Variants in WAC observed in about 807,000 individuals in gnomAD.
The protein encoded by WAC is WW domain containing adaptor with coiled-coil.
WAC carries 11 observed loss-of-function variants against 79.6 expected under a neutral mutation model. The ratio of observed to expected loss-of-function variants is 0.14; its 90% CI spans 0.09 to 0.23. The LOEUF (loss-of-function observed/expected upper bound fraction) is 0.23, where lower values mean the gene tolerates loss of function less well. Ranked by LOEUF, WAC falls within the 10% of genes least tolerant of loss-of-function variation. The pLI, the probability that WAC is intolerant of heterozygous loss-of-function variation, is 1.00. For missense variants in WAC, 728 were observed against 773.5 expected (o/e 0.94, Z 0.70); for synonymous variants, 304 against 276.9 (o/e 1.10, Z -0.97).
At position 28,608,254 on chromosome 10, in the gene WAC, C is replaced by G; in HGVS notation, c.988C>G (p.Leu330Val). 1 of 1,614,216 alleles carries G rather than the reference C, an allele frequency of 6.2e-7. No individual in the cohort carries two copies. The highest frequency in any genetic ancestry group is 1.3e-5 in the African/African-American group (1 of 75,046). The change falls in exon 8 of 14, where the codon CTG becomes GTG. Residue 330 changes from leucine to valine, a missense_variant. By Grantham distance (32) the Leu-to-Val change is conservative. Coordinates refer to ENST00000354911, the MANE Select transcript of WAC (RefSeq NM_016628.5). Reference sequence around the variant, plus strand: ...TCCTTCCACGTCTTCTGCCTCTGGACTGAACCCCACATCTGCACCTCCAAC... The same window carrying G: ...TCCTTCCACGTCTTCTGCCTCTGGAGTGAACCCCACATCTGCACCTCCAAC... ...TTPSTSSASG[L>V]NPTSAPPTSA...
intron 1 of WAC, 166 bp downstream of exon 1, chr10:28,533,786 TGTGGCGGGGAGC>T: frequency 1.0e-6 from 1 of 975,202 alleles, no homozygotes. Context: ...GGGAACGCAG[TGTGGCGGGGAGC>T]GGGGGCCCGG....
At chr10:28,584,241 ATAAC>A (rs748229354) in intron 4 of WAC, among the ~76,000 whole-genome samples, 11 of 152,192 alleles carry the variant, frequency 7.2e-5, no homozygotes, top group Non-Finnish European at 1.6e-4. Context: ...ATAGTAAAGT[ATAAC>A]TAATGCTTCC....
chr10:28,610,322 T>C (rs1353580097), intron 8 of WAC, among the ~76,000 whole-genome samples: 1 of 152,104 alleles, frequency 6.6e-6, no homozygotes, highest in Non-Finnish European at 1.5e-5. Context: ...TCACATGAAA[T>C]AGCAGTTGTT....
intron 12 of WAC, among the ~76,000 whole-genome samples, chr10:28,616,607 A>G (rs1190579025): frequency 1.3e-5 from 2 of 152,338 alleles, no homozygotes; most frequent in East Asian, 1.9e-4. Context: ...TTAATGCCTT[A>G]TATTTATTTT....
Position 28,621,229 on chromosome 10 carries a change from T to C in WAC, c.*1623T>C, listed in dbSNP as rs1338947357. The C allele has an allele frequency of 4.0e-5, 6 of 149,582 alleles. No individual in the cohort carries two copies. The highest frequency in any genetic ancestry group is 7.4e-5 in the Non-Finnish European group (5 of 67,424). 9.3% of individuals were successfully genotyped at this position (149,582 alleles called of 1,614,324 possible). On this transcript the variant is annotated 3_prime_UTR_variant, in exon 14 of 14. Coordinates refer to ENST00000354911, the MANE Select transcript of WAC (RefSeq NM_016628.5). ...GTTTTTTGGTGATTTTTTTTTTTTTTTTTTTTCTGTTGGGGCAGATAAGTG... is the reference window on the plus strand; with the variant it reads ...GTTTTTTGGTGATTTTTTTTTTTTTCTTTTTTCTGTTGGGGCAGATAAGTG...
chr10:28,575,677 T>G (rs980635851), intron 3 of WAC, among the ~76,000 whole-genome samples: 1 of 152,228 alleles, frequency 6.6e-6, no homozygotes, highest in Non-Finnish European at 1.5e-5. Flanking sequence ...TTAATCAGAT[T>G]ATTTTTATTG....
At chr10:28,574,028 T>C (rs1839114641) in intron 3 of WAC, among the ~76,000 whole-genome samples, 1 of 152,246 alleles carries the variant, frequency 6.6e-6, no homozygotes, top group Admixed American at 6.5e-5. Context: ...TTGTAGCATG[T>C]ATTAGTACTC....
chr10:28,599,564 G>A (rs1482782401), intron 7 of WAC, among the ~76,000 whole-genome samples: 1 of 152,194 alleles, frequency 6.6e-6, no homozygotes, highest in East Asian at 1.9e-4. Context: ...GGGAGCACTT[G>A]CACTGGTCAT....
At chr10:28,540,637 A>G (rs1428401403) in intron 3 of WAC, among the ~76,000 whole-genome samples, 1 of 152,250 alleles carries the variant, frequency 6.6e-6, no homozygotes, top group African/African-American at 2.4e-5. Context: ...TGCATAGAAT[A>G]TAATACACTA....
chr10:28,617,099 A>AC (rs1841505033), intron 12 of WAC, among the ~76,000 whole-genome samples: 1 of 151,984 alleles, frequency 6.6e-6, no homozygotes, highest in Non-Finnish European at 1.5e-5. Context: ...ACAAAAAAAA[A>AC]CCCCACTTAA....
chr10:28,590,952 C>CTT lies in WAC; in HGVS notation c.610+123_610+124dup. On this transcript the variant is annotated intron_variant, in intron 6 of 13. Transcript: ENST00000354911. ...AAATAAATAGAAACATACGGAGATT[C>CTT]TTTTATGTTGGATTTATTATACCCT... is the stretch of plus-strand genomic sequence containing the variant. The CTT allele has an allele frequency of 3.5e-6, 3 of 858,102 alleles. No homozygotes were observed. In the South Asian group the frequency reaches 4.8e-5, roughly 14 times the overall value. 53.2% of individuals were successfully genotyped at this position (858,102 alleles called of 1,614,324 possible).
chr10:28,607,647 TAA>T (rs763325890), intron 7 of WAC, among the ~76,000 whole-genome samples: 17 of 152,222 alleles, frequency 1.1e-4, no homozygotes, highest in South Asian at 2.1e-4. Context: ...TTATTAAGTA[TAA>T]AAGTCTCTTC....
rs1484496236 is a variant in WAC, at chr10:28,590,684, T to G, written c.498-36T>G. 2.6e-6 allele frequency: 4 copies of G among 1,521,012 alleles called. No individual in the cohort carries two copies. In the Admixed American group the frequency reaches 8.3e-5, roughly 31 times the overall value. 94.2% of individuals were successfully genotyped at this position (1,521,012 alleles called of 1,614,324 possible). A position where few individuals can be genotyped will look rare whatever the true frequency, so the allele number is the denominator to read the frequency against. ...AGTATGGAAACTCATGCCCTTAATG[T>G]AATTTTTATATGTTTATCTTTTTTT... On this transcript the variant is annotated intron_variant, in intron 5 of 13. Coordinates refer to ENST00000354911, the MANE Select transcript of WAC (RefSeq NM_016628.5).
chr10:28,559,082 A>G, intron 3 of WAC, among the ~76,000 whole-genome samples: 1 of 151,854 alleles, frequency 6.6e-6, no homozygotes, highest in East Asian at 1.9e-4. Context: ...TGTGTCAAGT[A>G]CTGTGGGTAT....
intron 9 of WAC, chr10:28,611,112 C>T (rs986115302): frequency 8.4e-6 from 5 of 596,808 alleles, no homozygotes; most frequent in Non-Finnish European, 1.0e-5. Context: ...TTTTTTTATG[C>T]CAAAGCTGAA....
Position 28,534,053 on chromosome 10 carries a change from G to GT in WAC, c.78+20dup, listed in dbSNP as rs766199838. On this transcript the variant is annotated intron_variant, in intron 2 of 13. Transcript: ENST00000354911. The stretch of plus-strand genomic sequence containing the variant: ...TTACCAGGTACCAGCCGAGGCCGGG[G>GT]TGGAGGGATTGGAAGGGGCCGGAGG... The GT allele has an allele frequency of 1.3e-6, 2 of 1,573,994 alleles. No homozygotes were observed. Among genetic ancestry groups the GT allele is most frequent in the Non-Finnish European group, 1.7e-6 (2 of 1,162,360 alleles).
rs755550809 is a variant in WAC at position 28,535,762 on chromosome 10, GTATC to G, written c.274+7_274+10del. The G allele has an allele frequency of 1.3e-6, 2 of 1,592,686 alleles. No individual in the cohort carries two copies. Among genetic ancestry groups the G allele is most frequent in the East Asian group, 2.3e-5 (1 of 43,986 alleles). On this transcript the variant is annotated splice_donor_region_variant and intron_variant, in intron 3 of 13. Coordinates refer to ENST00000354911, the MANE Select transcript of WAC (RefSeq NM_016628.5). ...GAGTTAGAGAGAGGGATGGTGGTGAGTATCTTTCTTGTTGAAACTTTGACATACA... is the reference window on the plus strand; with the variant it reads ...GAGTTAGAGAGAGGGATGGTGGTGAGTTTCTTGTTGAAACTTTGACATACA...
chr10:28,599,977 C>T (rs1840561007), intron 7 of WAC, among the ~76,000 whole-genome samples: 1 of 152,092 alleles, frequency 6.6e-6, no homozygotes, highest in African/African-American at 2.4e-5. Context: ...CATTTTAAAC[C>T]TGCTCTAACT....
chr10:28,599,267 T>G (rs1840524454), intron 7 of WAC, among the ~76,000 whole-genome samples: 1 of 152,192 alleles, frequency 6.6e-6, no homozygotes, highest in Non-Finnish European at 1.5e-5. Context: ...GTTGGCCTGT[T>G]GTTCTTAAGC....
Sources: gnomAD v4.1 joint callset for allele counts (sites outside exome capture counted in the v4.1 genomes callset) on GRCh38, gnomAD v4.1.1 for gene constraint, MANE v1.5 for transcripts, NCBI Gene and HGNC (gene_info 2026-07-23, HGNC 2026-07-21) for gene names.